Variants in EML4 observed in about 807,000 individuals in gnomAD.
EML4 encodes the protein EMAP like 4, also known as echinoderm microtubule-associated protein-like 4.
A neutral mutation model predicts 129.0 loss-of-function variants in EML4; 72 were observed. The observed-to-expected ratio is 0.56, with a 90% CI of 0.46 to 0.68. EML4 has a LOEUF of 0.68. Among genes scored for constraint, EML4 ranks in the 30% least tolerant of loss-of-function variants. The pLI, the probability that EML4 is intolerant of heterozygous loss-of-function variation, is 0.00. For synonymous variants in EML4, 532 were observed against 405.0 expected, an observed-to-expected ratio of 1.31 and a Z score of -3.77; for missense variants, 1,363 against 1,190.6, an observed-to-expected ratio of 1.14 and a Z score of -2.13.
intron 7 of EML4, among the ~76,000 whole-genome samples, chr2:42,281,489 T>C (rs1235063314): frequency 2.0e-5 from 3 of 151,914 alleles, no homozygotes. Flanking sequence ...GGATAAACAA[T>C]ATTTTTTGAA....
chr2:42,177,939 C>T (rs1670700289), intron 1 of EML4, among the ~76,000 whole-genome samples: 1 of 152,106 alleles, frequency 6.6e-6, no homozygotes, highest in African/African-American at 2.4e-5. Flanking sequence ...TGTAAAATTT[C>T]TGTTGGTCAC....
intron 16 of EML4, among the ~76,000 whole-genome samples, chr2:42,303,760 G>C (rs1170066708): frequency 4.6e-5 from 7 of 151,930 alleles, no homozygotes; most frequent in Non-Finnish European, 1.0e-4. Flanking sequence ...CCTGTCTCTA[G>C]TAAAAATACA....
rs1558574132 is a variant in EML4 at position 42,284,638 on chromosome 2, G to T, written c.946G>T (p.Ala316Ser). The change falls in exon 9 of 23, where the codon GCT (alanine) becomes TCT (serine). Residue 316 changes from alanine (A) to serine (S), a missense_variant. Coordinates refer to ENST00000318522, the MANE Select transcript of EML4 (RefSeq NM_019063.5). ...ATTCTTAATACTGCTTTTTAGCCTT[G>T]CTATACATCCTGACAAAATTAGGAT... ...LGHTDCVKCL[A>S]IHPDKIRIAT... 2.5e-6 allele frequency: 4 copies of T among 1,610,606 alleles called. No homozygotes were observed. Among genetic ancestry groups the T allele is most frequent in the Non-Finnish European group, 3.4e-6 (4 of 1,178,140 alleles).
chr2:42,237,680 T>A (rs189079068), intron 1 of EML4, among the ~76,000 whole-genome samples: 1 of 152,348 alleles, frequency 6.6e-6, no homozygotes, highest in East Asian at 1.9e-4. Context: ...CATATTTTTG[T>A]GTATTACATA....
At chr2:42,295,065 T>A in intron 11 of EML4, 60 bp from the exon 12 acceptor site, 1 of 1,421,118 alleles carries the variant, frequency 7.0e-7, no homozygotes, top group Non-Finnish European at 9.4e-7. Context: ...AGTAATTGAA[T>A]TGATACTTGA....
chr2:42,183,700 ATATAC>A (rs1335518687), intron 1 of EML4, among the ~76,000 whole-genome samples: 4 of 152,128 alleles, frequency 2.6e-5, no homozygotes, highest in South Asian at 2.1e-4. Context: ...AGTATAAATA[ATATAC>A]TATGCTACCT....
chr2:42,189,280 T>C (rs906550795), intron 1 of EML4, among the ~76,000 whole-genome samples: 3 of 152,230 alleles, frequency 2.0e-5, no homozygotes, highest in Non-Finnish European at 4.4e-5. Flanking sequence ...TTTTCCTCTT[T>C]AATTTTAAAT....
Position 42,194,647 on chromosome 2 carries a change from A to G in EML4, c.25+25011A>G, listed in dbSNP as rs540609581. ...CACCTCAGCCTCCCAAGTAGCTGGGACTACTGATGTGTACCACCATGTCTA... is the reference window on the plus strand; with the variant it reads ...CACCTCAGCCTCCCAAGTAGCTGGGGCTACTGATGTGTACCACCATGTCTA... On this transcript the variant is annotated intron_variant, in intron 1 of 22. Transcript: ENST00000318522. Among the ~76,000 whole-genome samples, 3 of 151,848 alleles carry G rather than the reference A, an allele frequency of 2.0e-5. No homozygotes were observed. The South Asian group carries it at 6.2e-4, about 32-fold the overall frequency.
intron 1 of EML4, among the ~76,000 whole-genome samples, chr2:42,220,345 C>T (rs952714672): frequency 6.6e-6 from 1 of 151,348 alleles, no homozygotes; most frequent in Non-Finnish European, 1.5e-5. Context: ...TCATCTGTGT[C>T]ACGTTTTGCT....
intron 1 of EML4, among the ~76,000 whole-genome samples, chr2:42,205,470 G>A (rs1280173749): frequency 6.7e-6 from 1 of 150,112 alleles, no homozygotes; most frequent in Non-Finnish European, 1.5e-5. Flanking sequence ...GGTGTAGATG[G>A]TGTTGAATTA....
At chr2:42,191,200 AGT>A (rs1671560349) in intron 1 of EML4, among the ~76,000 whole-genome samples, 1 of 152,156 alleles carries the variant, frequency 6.6e-6, no homozygotes, top group African/African-American at 2.4e-5. Flanking sequence ...AACCATGGGA[AGT>A]GTGTGTCATG....
At position 42,298,739 on chromosome 2, in the gene EML4, G is replaced by T. The variant is rs746705642; in HGVS notation, c.1490-2502G>T. ...CCATCATTCTGGGAGGATTTTAAGTGTTTAACAAGGTTTTTGTCATGTTTA... is the reference window on the plus strand; with the variant it reads ...CCATCATTCTGGGAGGATTTTAAGTTTTTAACAAGGTTTTTGTCATGTTTA... On this transcript the variant is annotated intron_variant, in intron 13 of 22. Coordinates refer to ENST00000318522, the MANE Select transcript of EML4 (RefSeq NM_019063.5). Among the ~76,000 whole-genome samples, 165 of 151,872 alleles carry T rather than the reference G, an allele frequency of 1.1e-3. 1 individual carries two copies. The highest frequency in any genetic ancestry group is 6.7e-3 in the South Asian group (32 of 4,796).
chr2:42,295,369 G>A lies in EML4; in HGVS notation c.1354-12G>A, dbSNP rs1667883432. 1 of 1,604,552 alleles carries A rather than the reference G, an allele frequency of 6.2e-7. No homozygotes were observed. The highest frequency in any genetic ancestry group is 1.3e-5 in the African/African-American group (1 of 74,162). Reference sequence around the variant, plus strand: ...AAAAAGAAAACTGAAAATTTTTATTGTTTCCTTGTAGAAATATGAAAAGCC... The same window carrying A: ...AAAAAGAAAACTGAAAATTTTTATTATTTCCTTGTAGAAATATGAAAAGCC... On this transcript the variant is annotated splice_polypyrimidine_tract_variant and intron_variant, in intron 12 of 22. Coordinates refer to ENST00000318522, the MANE Select transcript of EML4 (RefSeq NM_019063.5).
At chr2:42,266,501 A>G (rs1666072903) in intron 6 of EML4, among the ~76,000 whole-genome samples, 1 of 151,102 alleles carries the variant, frequency 6.6e-6, no homozygotes, top group Non-Finnish European at 1.5e-5. Flanking sequence ...CGCACCACAT[A>G]CCTGGCTGAT....
intron 9 of EML4, 82 bp downstream of exon 9, chr2:42,284,785 A>G (rs185630716): frequency 9.9e-7 from 1 of 1,010,620 alleles, no homozygotes; most frequent in Non-Finnish European, 1.4e-6. Context: ...ACCACAACTC[A>G]TTTGTTTTAT....
chr2:42,326,283 G>A (rs1305016908), intron 21 of EML4, 31 bp downstream of exon 21: 3 of 1,468,614 alleles, frequency 2.0e-6, no homozygotes, highest in Admixed American at 1.9e-5. Context: ...GTAAAGAAGT[G>A]GTTTGTGGGT....
intron 6 of EML4, among the ~76,000 whole-genome samples, chr2:42,268,671 C>T (rs533941127): frequency 6.6e-6 from 1 of 152,254 alleles, no homozygotes; most frequent in South Asian, 2.1e-4. Flanking sequence ...CTTTTAGCCT[C>T]AAGCAGTCCT....
At chr2:42,283,426 C>T (rs1257005720) in intron 8 of EML4, among the ~76,000 whole-genome samples, 1 of 152,084 alleles carries the variant, frequency 6.6e-6, no homozygotes, top group Non-Finnish European at 1.5e-5. Context: ...CGTAGGATGT[C>T]ATACTACAAA....
intron 1 of EML4, among the ~76,000 whole-genome samples, chr2:42,196,312 C>G (rs914111132): frequency 1.3e-5 from 2 of 152,154 alleles, no homozygotes; most frequent in African/African-American, 4.8e-5. Context: ...TTAATATGTG[C>G]TTAATGATGA....
Sources: allele counts gnomAD v4.1 joint callset (sites outside exome capture counted in the v4.1 genomes callset), GRCh38; gene constraint gnomAD v4.1.1; transcripts MANE v1.5; gene names NCBI Gene and HGNC (gene_info 2026-07-23, HGNC 2026-07-21).